The following ACOXL variants were observed in gnomAD, a reference collection of about 807,000 sequenced individuals.
The protein encoded by ACOXL is acyl-CoA oxidase like, also known as acyl-coenzyme A oxidase-like protein.
ACOXL carries 70 observed loss-of-function variants against 71.9 expected under a neutral mutation model. The observed-to-expected ratio is 0.97, with a 90% CI of 0.80 to 1.19. ACOXL has a LOEUF of 1.19. ACOXL is among the 50% of genes most tolerant of loss of function. The probability of loss-of-function intolerance (pLI) is 0.00; values close to 1 mark genes in which losing one functional copy is unlikely to be tolerated. For missense variants in ACOXL, 703 were observed against 736.3 expected (o/e 0.95, Z 0.52); for synonymous variants, 253 against 281.6 (o/e 0.90, Z 1.02).
chr2:110,890,334 A>C (rs1053802157), intron 10 of ACOXL, among the ~76,000 whole-genome samples: 1 of 152,122 alleles, frequency 6.6e-6, no homozygotes, highest in African/African-American at 2.4e-5. Context: ...TTTTAATTTT[A>C]ATGAAGTCCA....
intron 10 of ACOXL, among the ~76,000 whole-genome samples, chr2:110,896,164 C>A (rs147672810): frequency 1.3e-5 from 2 of 151,934 alleles, no homozygotes; most frequent in East Asian, 3.9e-4. Context: ...AAATTCTGCC[C>A]CAAGTAGGCT....
At chr2:111,018,401 T>A (rs1213372164) in intron 14 of ACOXL, among the ~76,000 whole-genome samples, 1 of 152,206 alleles carries the variant, frequency 6.6e-6, no homozygotes, top group Non-Finnish European at 1.5e-5. Flanking sequence ...GGCATGGGGA[T>A]GTCAGTGAGT....
intron 16 of ACOXL, 29 bp downstream of exon 16, chr2:111,049,317 C>T: frequency 1.3e-6 from 2 of 1,559,948 alleles, no homozygotes; most frequent in Non-Finnish European, 1.8e-6. Context: ...AACTTATTTC[C>T]TAAAGGCTCA....
chr2:110,932,485 T>C (rs1334639409), intron 11 of ACOXL, among the ~76,000 whole-genome samples: 1 of 152,226 alleles, frequency 6.6e-6, no homozygotes, highest in Non-Finnish European at 1.5e-5. Flanking sequence ...AGAAGATCTG[T>C]ATCTATATTT....
intron 10 of ACOXL, among the ~76,000 whole-genome samples, chr2:110,906,832 A>G (rs1487719342): frequency 1.3e-5 from 2 of 152,194 alleles, no homozygotes; most frequent in African/African-American, 4.8e-5. Flanking sequence ...GTAAATGTCC[A>G]GTGCCTAGCA....
chr2:110,937,927 A>G (rs993261499), intron 12 of ACOXL, among the ~76,000 whole-genome samples: 3 of 152,156 alleles, frequency 2.0e-5, no homozygotes, highest in Non-Finnish European at 2.9e-5. Flanking sequence ...AATGCTCAAC[A>G]CATAGACTCA....
chr2:110,744,107 A>T (rs979660587), intron 1 of ACOXL, among the ~76,000 whole-genome samples: 3 of 152,166 alleles, frequency 2.0e-5, no homozygotes, highest in African/African-American at 7.2e-5. Flanking sequence ...ATACCTGCTC[A>T]GTGGAGAAAG....
At chr2:111,068,005 A>C (rs2149912191) in intron 16 of ACOXL, among the ~76,000 whole-genome samples, 1 of 152,264 alleles carries the variant, frequency 6.6e-6, no homozygotes, top group Admixed American at 6.5e-5. Flanking sequence ...TGTTGGGAGA[A>C]TAAAAAATCA....
rs548893353 is a variant in ACOXL at position 110,737,674 on chromosome 2, G to A, written c.-23+4900G>A. ...ATCACAGGACAGAGCAGTTCCACTC[G>A]TCCCACTGTGATCAAACCTGTCAGG... On this transcript the variant is annotated intron_variant, in intron 1 of 17. Coordinates refer to ENST00000439055, the MANE Select transcript of ACOXL (RefSeq NM_001142807.4). Among the ~76,000 whole-genome samples the A allele has an allele frequency of 3.0e-4, 46 of 152,262 alleles. 1 individual carries two copies. Among genetic ancestry groups the A allele is most frequent in the East Asian group, 7.7e-4 (4 of 5,190 alleles).
rs191052191 is a variant in ACOXL at position 110,917,303 on chromosome 2, C to T, written c.905+8398C>T. ...CATAAACCGAACCAATGACAAAAAC[C>T]ACATGATTATCTCAATAGATGCAGA... On this transcript the variant is annotated intron_variant, in intron 11 of 17. Transcript: ENST00000439055. 4.7e-3 allele frequency among the ~76,000 whole-genome samples: 718 copies of T among 152,232 alleles called. 1 individual carries two copies. The highest frequency in any genetic ancestry group is 0.037 in the Middle Eastern group (11 of 294).
chr2:110,753,696 G>C (rs1023210899), intron 1 of ACOXL, among the ~76,000 whole-genome samples: 19 of 152,180 alleles, frequency 1.2e-4, no homozygotes, highest in Admixed American at 5.2e-4. Context: ...ATGACAATTT[G>C]TGTGGGCATG....
chr2:110,813,056 C>G (rs1433551558), intron 9 of ACOXL, among the ~76,000 whole-genome samples: 1 of 152,214 alleles, frequency 6.6e-6, no homozygotes, highest in Non-Finnish European at 1.5e-5. Flanking sequence ...CTCTAGGTCT[C>G]TGGCACAAAG....
intron 10 of ACOXL, among the ~76,000 whole-genome samples, chr2:110,864,453 A>C (rs1331088512): frequency 2.0e-5 from 3 of 152,154 alleles, no homozygotes; most frequent in African/African-American, 7.2e-5. Flanking sequence ...AAACTCAACC[A>C]TCCAGTGATC....
At chr2:111,001,848 TGG>T (rs1484332920) in intron 14 of ACOXL, among the ~76,000 whole-genome samples, 2 of 152,164 alleles carry the variant, frequency 1.3e-5, no homozygotes, top group African/African-American at 4.8e-5. Context: ...GAAACTTTTG[TGG>T]GCCTTGGAAG....
In ACOXL at chr2:110,908,871, C is replaced by G; in HGVS notation, c.871C>G (p.Leu291Val). The change falls in exon 11 of 18, where the codon CTG (leucine) becomes GTG (valine). Residue 291 changes from leucine (L) to valine (V), a missense_variant. Coordinates refer to ENST00000439055, the MANE Select transcript of ACOXL (RefSeq NM_001142807.4). ...QTQTLRLMPH[L>V]ATALALTFVS... The stretch of plus-strand genomic sequence containing the variant: ...ACAGACCCTGCGGCTGATGCCCCAC[C>G]TGGCCACAGCCTTGGCCCTGACCTT... 1.9e-6 allele frequency: 3 copies of G among 1,614,034 alleles called. No individual in the cohort carries two copies. Among genetic ancestry groups the G allele is most frequent in the Non-Finnish European group, 2.5e-6 (3 of 1,179,938 alleles).
At chr2:110,983,516 C>T (rs975306990) in intron 12 of ACOXL, among the ~76,000 whole-genome samples, 1 of 152,074 alleles carries the variant, frequency 6.6e-6, no homozygotes, top group Admixed American at 6.6e-5. Flanking sequence ...TAGAGTTCTA[C>T]TAAGAAAGGG....
chr2:110,790,996 C>T (rs1430259681), intron 3 of ACOXL, among the ~76,000 whole-genome samples: 2 of 152,286 alleles, frequency 1.3e-5, no homozygotes, highest in Admixed American at 6.5e-5. Flanking sequence ...TCCCCACTTC[C>T]CTGTCTGCCT....
chr2:110,796,611 A>C (rs73956460), intron 5 of ACOXL, among the ~76,000 whole-genome samples: 1,858 of 152,228 alleles, frequency 0.012, 42 homozygotes, highest in African/African-American at 0.043. Flanking sequence ...TTCCTCTGCC[A>C]CTTCACTTTC....
At chr2:110,995,558 G>T (rs1370288041) in intron 13 of ACOXL, among the ~76,000 whole-genome samples, 1 of 144,808 alleles carries the variant, frequency 6.9e-6, no homozygotes, top group Non-Finnish European at 1.5e-5. Context: ...ATTGTATAAT[G>T]GTTGATTATA....
Sources: gnomAD v4.1 joint callset for allele counts (sites outside exome capture counted in the v4.1 genomes callset) on GRCh38, gnomAD v4.1.1 for gene constraint, MANE v1.5 for transcripts, NCBI Gene and HGNC (gene_info 2026-07-23, HGNC 2026-07-21) for gene names.